Variants in PRRC2B observed in about 807,000 individuals in gnomAD.
PRRC2B encodes the protein proline rich coiled-coil 2B.
PRRC2B carries 68 observed loss-of-function variants against 242.3 expected under a neutral mutation model. That is an observed-to-expected ratio of 0.28 (90% CI 0.23 to 0.34). PRRC2B has a LOEUF of 0.34. Ranked by LOEUF, PRRC2B falls within the 10% of genes least tolerant of loss-of-function variation. The pLI, the probability that PRRC2B is intolerant of heterozygous loss-of-function variation, is 1.00. For missense variants in PRRC2B, 2,835 were observed against 2,954.8 expected, an observed-to-expected ratio of 0.96 and a Z score of 0.94; for synonymous variants, 1,228 against 1,173.6, an observed-to-expected ratio of 1.05 and a Z score of -0.95.
At position 131,490,589 on chromosome 9, in the gene PRRC2B, C is replaced by T. The variant is rs564110437; in HGVS notation, c.6226-836C>T. Reference sequence around the variant, plus strand: ...CTGAGAGACCAAAAGTGGCCCAGCCCCCCTACCCCATCCTGTTCCCCTGTC... The same window carrying T: ...CTGAGAGACCAAAAGTGGCCCAGCCTCCCTACCCCATCCTGTTCCCCTGTC... On this transcript the variant is annotated intron_variant, in intron 28 of 31. Transcript: ENST00000683519. The T allele has an allele frequency of 3.4e-4, 174 of 519,102 alleles. 5 individuals are homozygous for T. Among genetic ancestry groups the T allele is most frequent in the South Asian group, 1.5e-3 (106 of 71,578 alleles). 32.2% of individuals were successfully genotyped at this position (519,102 alleles called of 1,614,324 possible).
chr9:131,453,457 T>TA (rs1223171111), intron 9 of PRRC2B, among the ~76,000 whole-genome samples: 1 of 152,122 alleles, frequency 6.6e-6, no homozygotes, highest in Non-Finnish European at 1.5e-5. Flanking sequence ...ATGCTGGTCT[T>TA]AAACTCCTGG....
At position 131,464,945 on chromosome 9, in the gene PRRC2B, C is replaced by G; in HGVS notation, c.1587C>G (p.Leu529=). 1.9e-6 allele frequency: 3 copies of G among 1,613,940 alleles called. No individual in the cohort carries two copies. Among genetic ancestry groups the G allele is most frequent in the Non-Finnish European group, 2.5e-6 (3 of 1,179,880 alleles). ...GGCTGGCCGCCTGTGCTGCCAAACT[C>G]AAGCAGCTGGACCAGAAGTGTAAGC... ...EERLAACAAK[L]KQLDQKCKQA... is the part of the protein sequence containing the mutation. The change falls in exon 12 of 32, where the codon CTC becomes CTG. Residue 529 remains leucine (L), a synonymous_variant. Coordinates refer to ENST00000683519, the MANE Select transcript of PRRC2B (RefSeq NM_013318.4).
At chr9:131,400,960 TTTC>T (rs1254405281) in intron 1 of PRRC2B, among the ~76,000 whole-genome samples, 3 of 149,358 alleles carry the variant, frequency 2.0e-5, no homozygotes. Context: ...GGTTTCTTTC[TTTC>T]TTTTTTTTTT....
intron 11 of PRRC2B, among the ~76,000 whole-genome samples, chr9:131,462,874 C>T (rs779053861): frequency 7.4e-6 from 1 of 134,524 alleles, no homozygotes. Context: ...GTGCAAATTA[C>T]TTTGCAGAAC....
chr9:131,485,518 C>A, intron 25 of PRRC2B: 1 of 464,596 alleles, frequency 2.2e-6, no homozygotes, highest in South Asian at 1.7e-5. Context: ...TGGCCACACC[C>A]GTGAGGCCAG....
rs1379617255 is a variant in PRRC2B, at chr9:131,492,208, A to G, written c.6421A>G (p.Ser2141Gly). Reference sequence around the variant, plus strand: ...GATGAAAGGCTTCCACTTTGCCGACAGTAAACAGAATGTCCCTTCAGGAGG... The same window carrying G: ...GATGAAAGGCTTCCACTTTGCCGACGGTAAACAGAATGTCCCTTCAGGAGG... ...MEMKGFHFAD[S>G]KQNVPSGGPV... is the part of the protein sequence containing the mutation. Residue 2141 changes from serine (S) to glycine (G), a missense_variant, in exon 30 of 32, where the codon AGT (serine) becomes GGT (glycine). Transcript: ENST00000683519. 1.9e-6 allele frequency: 3 copies of G among 1,613,820 alleles called. No homozygotes were observed. Among genetic ancestry groups the G allele is most frequent in the African/African-American group, 1.3e-5 (1 of 74,936 alleles).
At chr9:131,440,497 A>G (rs1339116221) in intron 5 of PRRC2B, among the ~76,000 whole-genome samples, 1 of 152,176 alleles carries the variant, frequency 6.6e-6, no homozygotes, top group Non-Finnish European at 1.5e-5. Flanking sequence ...CCCAACTCCT[A>G]TGGAAGCCAG....
intron 1 of PRRC2B, among the ~76,000 whole-genome samples, chr9:131,406,718 G>A (rs1837370811): frequency 1.3e-5 from 2 of 152,056 alleles, no homozygotes; most frequent in African/African-American, 4.8e-5. Context: ...AGTCAACTTG[G>A]AACAGTATAT....
In PRRC2B at chr9:131,494,566, AC is replaced by A; in HGVS notation, c.6555+82del. ...GCGCCAAAAGAGAAGGGACTGTCCA[AC>A]CTATCTGAGCGCCCCCTGTCTAAAG... On this transcript the variant is annotated intron_variant, in intron 31 of 31. Transcript: ENST00000683519. This position sits in a 1 kb window ranked among gnomAD's most constrained non-coding sequence, Gnocchi z 4.3. The A allele has an allele frequency of 2.6e-6, 2 of 774,026 alleles. No individual in the cohort carries two copies. Among genetic ancestry groups the A allele is most frequent in the Non-Finnish European group, 2.1e-6 (1 of 468,932 alleles). 47.9% of individuals were successfully genotyped at this position (774,026 alleles called of 1,614,324 possible).
chr9:131,394,328 G>C (rs1250478706), intron 1 of PRRC2B, 65 bp downstream of exon 1: 2 of 146,534 alleles, frequency 1.4e-5, no homozygotes, highest in Non-Finnish European at 3.0e-5. Context: ...AGGCGGCGCG[G>C]CCCGGCCGGG....
Position 131,430,135 on chromosome 9 carries a change from T to G in PRRC2B, c.-10T>G, listed in dbSNP as rs770425703. The G allele has an allele frequency of 6.4e-7, 1 of 1,573,464 alleles. No individual in the cohort carries two copies. The highest frequency in any genetic ancestry group is 8.7e-7 in the Non-Finnish European group (1 of 1,151,762). On this transcript the variant is annotated 5_prime_UTR_variant, in exon 2 of 32. Transcript: ENST00000683519. ...AGAAAAATTTCCTTACTAGATGACA[T>G]TTCATCGCAATGTCCGATCGTTTGG... is the stretch of plus-strand genomic sequence containing the variant.
intron 2 of PRRC2B, among the ~76,000 whole-genome samples, chr9:131,431,167 G>C (rs1203293529): frequency 6.6e-6 from 1 of 151,966 alleles, no homozygotes; most frequent in African/African-American, 2.4e-5. Flanking sequence ...GTCTCACTCT[G>C]TCATGCAGGG....
chr9:131,481,058 T>C (rs1308228041), intron 19 of PRRC2B, among the ~76,000 whole-genome samples: 4 of 151,430 alleles, frequency 2.6e-5, no homozygotes, highest in Non-Finnish European at 5.9e-5. Context: ...TCCCACCACT[T>C]TGGGAGGCTG....
chr9:131,378,223 C>T (rs550590982), intron 1 of PRRC2B, among the ~76,000 whole-genome samples: 130 of 151,194 alleles, frequency 8.6e-4, no homozygotes, highest in Middle Eastern at 6.8e-3. Context: ...GCAGGAGAAT[C>T]GCTTGAACCC....
rs535784258 is a variant in PRRC2B at position 131,494,599 on chromosome 9, A to G, written c.6555+113A>G. 2.7e-4 allele frequency: 170 copies of G among 626,614 alleles called. 3 individuals are homozygous for G. The South Asian group carries it at 3.2e-3, about 12-fold the overall frequency. The allele number at this position is 626,614 out of a possible 1,614,324, so 38.8% of individuals were successfully genotyped here. A position where few individuals can be genotyped will look rare whatever the true frequency, so the allele number is the denominator to read the frequency against. Reference sequence around the variant, plus strand: ...GAGCGCCCCCTGTCTAAAGACAGCCATGCCCTAGCGGTTAGAGCACAGAAC... The same window carrying G: ...GAGCGCCCCCTGTCTAAAGACAGCCGTGCCCTAGCGGTTAGAGCACAGAAC... On this transcript the variant is annotated intron_variant, in intron 31 of 31. Coordinates refer to ENST00000683519, the MANE Select transcript of PRRC2B (RefSeq NM_013318.4). The surrounding 1 kb of genome is among the most constrained non-coding windows in gnomAD (Gnocchi z 4.3).
chr9:131,485,260 C>G (rs906868160), intron 25 of PRRC2B, 120 bp downstream of exon 25: 3 of 851,300 alleles, frequency 3.5e-6, no homozygotes, highest in African/African-American at 1.7e-5. Flanking sequence ...GAAGTAGCAA[C>G]TTGTTTTTAG....
intron 1 of PRRC2B, among the ~76,000 whole-genome samples, chr9:131,374,347 T>C (rs1836656311): frequency 6.6e-6 from 1 of 152,148 alleles, no homozygotes; most frequent in Non-Finnish European, 1.5e-5. Flanking sequence ...CTAAACACAC[T>C]GCACTGATTC....
chr9:131,495,969 C>A lies in PRRC2B; in HGVS notation c.*95C>A. The A allele has an allele frequency of 4.0e-6, 6 of 1,505,066 alleles. No homozygotes were observed. The highest frequency in any genetic ancestry group is 1.2e-5 in the South Asian group (1 of 82,640). 93.2% of individuals were successfully genotyped at this position (1,505,066 alleles called of 1,614,324 possible). On this transcript the variant is annotated 3_prime_UTR_variant, in exon 32 of 32. Transcript: ENST00000683519. ...CACTCGGGAGCCTCACCAGATCCAC[C>A]GTCCAAATGCGTGGCCCAGACTGAG...
chr9:131,416,144 T>C (rs550268927), intron 1 of PRRC2B, among the ~76,000 whole-genome samples: 20 of 152,118 alleles, frequency 1.3e-4, no homozygotes, highest in African/African-American at 4.6e-4. Context: ...TGTCTTGCTC[T>C]GTTGCCCAGG....
Sources: allele counts gnomAD v4.1 joint callset (sites outside exome capture counted in the v4.1 genomes callset), GRCh38; gene constraint gnomAD v4.1.1; non-coding constraint Gnocchi (gnomAD v3.1); transcripts MANE v1.5; gene names NCBI Gene and HGNC (gene_info 2026-07-23, HGNC 2026-07-21).